CDKAL1: variants seen among roughly 807,000 people sequenced by gnomAD.
CDKAL1 encodes threonylcarbamoyladenosine tRNA methylthiotransferase.
Under a neutral mutation model 68.2 loss-of-function variants are expected in CDKAL1, and 32 were observed. The observed-to-expected ratio is 0.47, with a 90% CI of 0.35 to 0.63. The LOEUF (loss-of-function observed/expected upper bound fraction) is 0.63, where lower values mean the gene tolerates loss of function less well. Among genes scored for constraint, CDKAL1 ranks in the 30% least tolerant of loss-of-function variants. The pLI is 0.00. For synonymous variants in CDKAL1, 234 were observed against 244.3 expected (o/e 0.96, Z 0.39); for missense variants, 606 against 696.7 (o/e 0.87, Z 1.47).
intron 10 of CDKAL1, among the ~76,000 whole-genome samples, chr6:20,983,415 A>T (rs1025784883): frequency 6.6e-6 from 1 of 152,194 alleles, no homozygotes; most frequent in Non-Finnish European, 1.5e-5. Flanking sequence ...CATGTATTTT[A>T]TATATCAGAA....
At chr6:20,562,346 A>G (rs1372170322) in intron 4 of CDKAL1, among the ~76,000 whole-genome samples, 1 of 152,170 alleles carries the variant, frequency 6.6e-6, no homozygotes, top group Non-Finnish European at 1.5e-5. Flanking sequence ...AAGGAAATTT[A>G]GAGTCTCTGG....
In CDKAL1 at chr6:20,925,222, G is replaced by A. The variant is rs565885766; in HGVS notation, c.743-30197G>A. ...AGTCTCAGACGATCGTTAGCATTTT[G>A]TAGCAATAAAGTATTTTAAAATCAA... On this transcript the variant is annotated intron_variant, in intron 9 of 15. Transcript: ENST00000274695. 3.9e-5 allele frequency among the ~76,000 whole-genome samples: 6 copies of A among 152,278 alleles called. No homozygotes were observed. In the South Asian group the frequency reaches 1.2e-3, roughly 32 times the overall value.
chr6:20,719,929 G>A (rs546051851), intron 5 of CDKAL1, among the ~76,000 whole-genome samples: 12 of 152,102 alleles, frequency 7.9e-5, no homozygotes, highest in African/African-American at 2.7e-4. Context: ...AAAAAGCCTG[G>A]TACGTATTTT....
chr6:20,615,089 T>A, intron 4 of CDKAL1, among the ~76,000 whole-genome samples: 1 of 123,930 alleles, frequency 8.1e-6, no homozygotes, highest in Non-Finnish European at 1.7e-5. Context: ...TTCATCCATG[T>A]CCCTACAAAG....
intron 7 of CDKAL1, among the ~76,000 whole-genome samples, chr6:20,769,506 C>T (rs1388060464): frequency 2.0e-5 from 3 of 152,010 alleles, no homozygotes; most frequent in Admixed American, 6.5e-5. Context: ...TGATCTCCCC[C>T]GCCTTGTCCC....
intron 8 of CDKAL1, among the ~76,000 whole-genome samples, chr6:20,799,069 T>TTTTTTTTTTTTTTTTTTTTTTTTTGG: frequency 7.1e-6 from 1 of 140,290 alleles, no homozygotes; most frequent in South Asian, 2.3e-4. Context: ...TTTTTTTTTT[T>TTTTTTTTTTTTTTTTTTTTTTTTTGG]GAGACGGAGT....
chr6:20,583,675 T>G (rs1481508624), intron 4 of CDKAL1, among the ~76,000 whole-genome samples: 1 of 152,000 alleles, frequency 6.6e-6, no homozygotes, highest in Non-Finnish European at 1.5e-5. Flanking sequence ...GTTTTTATAA[T>G]GGAAATGCTA....
intron 9 of CDKAL1, among the ~76,000 whole-genome samples, chr6:20,877,366 T>C (rs1277362880): frequency 6.6e-6 from 1 of 152,254 alleles, no homozygotes; most frequent in East Asian, 1.9e-4. Context: ...GCCTAATATC[T>C]TGAAAGTATC....
chr6:20,835,955 G>A (rs1022266502), intron 8 of CDKAL1, among the ~76,000 whole-genome samples: 23 of 152,028 alleles, frequency 1.5e-4, no homozygotes, highest in African/African-American at 5.3e-4. Context: ...GTATATGAGG[G>A]AGCCCTGCTT....
chr6:20,778,158 G>A (rs879822792), intron 7 of CDKAL1, among the ~76,000 whole-genome samples: 2 of 151,952 alleles, frequency 1.3e-5, no homozygotes, highest in Non-Finnish European at 2.9e-5. Context: ...ATAAATATAA[G>A]AACAGAAACA....
intron 8 of CDKAL1, among the ~76,000 whole-genome samples, chr6:20,804,489 G>A (rs993155008): frequency 6.6e-6 from 1 of 152,016 alleles, no homozygotes; most frequent in African/African-American, 2.4e-5. Flanking sequence ...AAACAGCTGG[G>A]GAAAATAAAA....
At chr6:20,780,941 T>C (rs1775399349) in intron 7 of CDKAL1, among the ~76,000 whole-genome samples, 1 of 152,196 alleles carries the variant, frequency 6.6e-6, no homozygotes, top group Non-Finnish European at 1.5e-5. Flanking sequence ...CCCAAAGTGC[T>C]GGGATTACAG....
At chr6:21,031,756 C>G (rs770016048) in intron 11 of CDKAL1, among the ~76,000 whole-genome samples, 1 of 151,972 alleles carries the variant, frequency 6.6e-6, no homozygotes, top group Non-Finnish European at 1.5e-5. Flanking sequence ...GCTTTTAGCC[C>G]CATAACAAAC....
intron 4 of CDKAL1, among the ~76,000 whole-genome samples, chr6:20,582,678 G>T (rs1765187390): frequency 6.6e-6 from 1 of 152,036 alleles, no homozygotes; most frequent in Non-Finnish European, 1.5e-5. Flanking sequence ...AGATCAGTTG[G>T]TTTTCTTTTT....
At chr6:20,608,984 A>G (rs1196485428) in intron 4 of CDKAL1, among the ~76,000 whole-genome samples, 1 of 152,128 alleles carries the variant, frequency 6.6e-6, no homozygotes, top group Non-Finnish European at 1.5e-5. Context: ...GATTTGGGAG[A>G]GTATTGTACT....
At chr6:20,758,094 T>C (rs529211322) in intron 6 of CDKAL1, among the ~76,000 whole-genome samples, 1 of 151,998 alleles carries the variant, frequency 6.6e-6, no homozygotes, top group East Asian at 1.9e-4. Context: ...TATTTGACTT[T>C]GTATTTCATG....
At chr6:20,620,658 A>G (rs562247899) in intron 4 of CDKAL1, among the ~76,000 whole-genome samples, 3 of 151,760 alleles carry the variant, frequency 2.0e-5, no homozygotes, top group Non-Finnish European at 1.5e-5. Context: ...ACACTTGTTT[A>G]CTGGGTCTAT....
chr6:21,067,227 C>T (rs1172602605), intron 12 of CDKAL1, among the ~76,000 whole-genome samples: 1 of 152,168 alleles, frequency 6.6e-6, no homozygotes, highest in Non-Finnish European at 1.5e-5. Context: ...AGGAAGCCAC[C>T]ATGCCTTATT....
At chr6:20,592,033 C>T (rs1158350411) in intron 4 of CDKAL1, among the ~76,000 whole-genome samples, 2 of 152,046 alleles carry the variant, frequency 1.3e-5, no homozygotes, top group Non-Finnish European at 1.5e-5. Context: ...TGTTTGTGTC[C>T]TCTCTTATTT....
Sources: allele counts gnomAD v4.1 joint callset (sites outside exome capture counted in the v4.1 genomes callset), GRCh38; gene constraint gnomAD v4.1.1; transcripts MANE v1.5; gene names NCBI Gene and HGNC (gene_info 2026-07-23, HGNC 2026-07-21).